Variants in MLLT3 observed in about 807,000 individuals in gnomAD.
MLLT3 encodes protein AF-9.
Under a neutral mutation model 53.2 loss-of-function variants are expected in MLLT3, and 4 were observed. That is an observed-to-expected ratio of 0.08 (90% CI 0.04 to 0.17). The LOEUF is 0.17. MLLT3 is among the 10% of genes least tolerant of loss of function. The probability of loss-of-function intolerance (pLI) is 1.00; values close to 1 mark genes in which losing one functional copy is unlikely to be tolerated. For missense variants in MLLT3, 569 were observed against 684.0 expected (o/e 0.83, Z 1.87); for synonymous variants, 283 against 230.6 (o/e 1.23, Z -2.06).
intron 2 of MLLT3, among the ~76,000 whole-genome samples, chr9:20,562,653 A>G (rs899344060): frequency 6.6e-6 from 1 of 152,190 alleles, no homozygotes. Flanking sequence ...TCCCAGATAC[A>G]TGTGCAATTT....
intron 2 of MLLT3, among the ~76,000 whole-genome samples, chr9:20,576,474 A>G (rs982166567): frequency 6.6e-6 from 1 of 152,098 alleles, no homozygotes; most frequent in Non-Finnish European, 1.5e-5. Flanking sequence ...TAATAATTCT[A>G]GCTTTTGATT....
At chr9:20,598,042 A>C (rs1164299187) in intron 2 of MLLT3, among the ~76,000 whole-genome samples, 10 of 152,290 alleles carry the variant, frequency 6.6e-5, no homozygotes, top group Non-Finnish European at 1.2e-4. Context: ...ACAAACCACA[A>C]TTTGTGCCAC....
intron 2 of MLLT3, among the ~76,000 whole-genome samples, chr9:20,546,191 AAG>A (rs1818782611): frequency 6.6e-6 from 1 of 152,252 alleles, no homozygotes; most frequent in South Asian, 2.1e-4. Flanking sequence ...AATGCTTCCA[AAG>A]ACACAGATTG....
At chr9:20,440,861 A>G (rs1823530200) in intron 4 of MLLT3, among the ~76,000 whole-genome samples, 1 of 152,076 alleles carries the variant, frequency 6.6e-6, no homozygotes, top group African/African-American at 2.4e-5. Flanking sequence ...TGGGGACAGG[A>G]GGTAGTAGCA....
At chr9:20,609,181 C>T (rs1002017730) in intron 2 of MLLT3, among the ~76,000 whole-genome samples, 3 of 151,980 alleles carry the variant, frequency 2.0e-5, no homozygotes, top group Admixed American at 2.0e-4. Flanking sequence ...AATTGCTTGA[C>T]AATTTCCTTT....
At chr9:20,562,539 AT>A (rs1369557739) in intron 2 of MLLT3, among the ~76,000 whole-genome samples, 1 of 152,174 alleles carries the variant, frequency 6.6e-6, no homozygotes, top group Non-Finnish European at 1.5e-5. Flanking sequence ...TTCAGAGACA[AT>A]TTGGTTAAGC....
intron 4 of MLLT3, among the ~76,000 whole-genome samples, chr9:20,420,706 T>G (rs573165813): frequency 6.6e-6 from 1 of 152,312 alleles, no homozygotes; most frequent in South Asian, 2.1e-4. Flanking sequence ...TATCTCGTTT[T>G]TTTTTATACT....
intron 2 of MLLT3, among the ~76,000 whole-genome samples, chr9:20,552,542 C>CA (rs1818950047): frequency 6.6e-6 from 1 of 151,914 alleles, no homozygotes; most frequent in African/African-American, 2.4e-5. Flanking sequence ...GTTGTTGGGG[C>CA]AGAATAGACG....
At chr9:20,483,115 T>C (rs1032315886) in intron 2 of MLLT3, among the ~76,000 whole-genome samples, 1 of 152,170 alleles carries the variant, frequency 6.6e-6, no homozygotes, top group Non-Finnish European at 1.5e-5. Flanking sequence ...TGTGAATCAT[T>C]TCAGACTCTT....
intron 2 of MLLT3, among the ~76,000 whole-genome samples, chr9:20,586,763 G>C (rs1167349763): frequency 1.3e-5 from 2 of 152,100 alleles, no homozygotes; most frequent in Non-Finnish European, 2.9e-5. Flanking sequence ...TCACTGGTTA[G>C]GGAAGTGGGG....
intron 2 of MLLT3, among the ~76,000 whole-genome samples, chr9:20,572,503 A>G (rs1819553885): frequency 6.6e-6 from 1 of 152,170 alleles, no homozygotes; most frequent in Non-Finnish European, 1.5e-5. Context: ...ATATTAATAC[A>G]AAATATTAGG....
chr9:20,469,741 T>C (rs1018592450), intron 2 of MLLT3, among the ~76,000 whole-genome samples: 2 of 139,150 alleles, frequency 1.4e-5, no homozygotes, highest in African/African-American at 5.2e-5. Context: ...AAAAAAAAAA[T>C]CTCTCTTCCT....
In MLLT3 at chr9:20,346,593, G is replaced by T; in HGVS notation, c.1576-19C>A. On this transcript the variant is annotated intron_variant, in intron 10 of 10. Transcript: ENST00000380338. Reference sequence around the variant, plus strand: ...TCACGATCTAGAGGAGTGAAGAAGAGAAAGTTTGGGCAATACGCAGCAAAC... The same window carrying T: ...TCACGATCTAGAGGAGTGAAGAAGATAAAGTTTGGGCAATACGCAGCAAAC... 6.2e-7 allele frequency: 1 copy of T among 1,608,556 alleles called. No individual in the cohort carries two copies. The highest frequency in any genetic ancestry group is 8.5e-7 in the Non-Finnish European group (1 of 1,178,080).
At chr9:20,593,155 TA>T (rs1336789173) in intron 2 of MLLT3, among the ~76,000 whole-genome samples, 1 of 152,072 alleles carries the variant, frequency 6.6e-6, no homozygotes, top group Non-Finnish European at 1.5e-5. Flanking sequence ...ATATTTAAAA[TA>T]AAAAAACAAG....
intron 2 of MLLT3, among the ~76,000 whole-genome samples, chr9:20,519,745 G>C (rs777714518): frequency 5.3e-5 from 8 of 152,152 alleles, no homozygotes; most frequent in Non-Finnish European, 1.0e-4. Flanking sequence ...ATACACTGTT[G>C]GTGGGAGTGT....
At position 20,479,360 on chromosome 9, in the gene MLLT3, T is replaced by G. The variant is rs1419394252; in HGVS notation, c.194-22574A>C. On this transcript the variant is annotated intron_variant, in intron 2 of 10. Coordinates refer to ENST00000380338, the MANE Select transcript of MLLT3 (RefSeq NM_004529.4). ...TCTCTAATTAATTTGCTTTTTATATTGTTAACTGCTGTTGGCCTCCCTTCA... is the reference window on the plus strand; with the variant it reads ...TCTCTAATTAATTTGCTTTTTATATGGTTAACTGCTGTTGGCCTCCCTTCA... 2.8e-4 allele frequency among the ~76,000 whole-genome samples: 43 copies of G among 152,192 alleles called. 1 individual carries two copies. The highest frequency in any genetic ancestry group is 2.8e-3 in the Admixed American group (43 of 15,264).
intron 2 of MLLT3, among the ~76,000 whole-genome samples, chr9:20,510,438 T>C (rs1825505708): frequency 4.0e-5 from 6 of 151,776 alleles, no homozygotes; most frequent in Admixed American, 3.9e-4. Flanking sequence ...TGGTGAAACC[T>C]CATCTCTATT....
At chr9:20,556,803 G>C (rs189861440) in intron 2 of MLLT3, among the ~76,000 whole-genome samples, 5 of 152,176 alleles carry the variant, frequency 3.3e-5, no homozygotes, top group African/African-American at 1.2e-4. Flanking sequence ...TTAATGAATG[G>C]TGGCTGGTAT....
chr9:20,492,920 T>A (rs1444761733), intron 2 of MLLT3, among the ~76,000 whole-genome samples: 1 of 152,018 alleles, frequency 6.6e-6, no homozygotes, highest in Non-Finnish European at 1.5e-5. Context: ...TAGAGTTGTT[T>A]AGGATAGATT....
Sources: gnomAD v4.1 joint callset for allele counts (sites outside exome capture counted in the v4.1 genomes callset) on GRCh38, gnomAD v4.1.1 for gene constraint, MANE v1.5 for transcripts, NCBI Gene and HGNC (gene_info 2026-07-23, HGNC 2026-07-21) for gene names.